The following PGR variants were observed in gnomAD, a reference collection of about 807,000 sequenced individuals.
PGR encodes the protein nuclear receptor subfamily 3 group C member 3.
In PGR, 25 loss-of-function variants were observed where a neutral mutation model predicts 76.1. The ratio of observed to expected loss-of-function variants is 0.33; its 90% CI spans 0.24 to 0.46. The LOEUF is 0.46. Among genes scored for constraint, PGR ranks in the 20% least tolerant of loss-of-function variants. The pLI, the probability that PGR is intolerant of heterozygous loss-of-function variation, is 1.00. For synonymous variants in PGR, 579 were observed against 535.0 expected (o/e 1.08, Z -1.14); for missense variants, 1,172 against 1,225.3 (o/e 0.96, Z 0.65).
intron 2 of PGR, among the ~76,000 whole-genome samples, chr11:101,112,634 G>A (rs1379550532): frequency 6.6e-6 from 1 of 152,198 alleles, no homozygotes; most frequent in Admixed American, 6.5e-5. Flanking sequence ...AGCCATCCCA[G>A]AAGCCATGGA....
intron 3 of PGR, chr11:101,063,743 T>C (rs1290445801): frequency 6.6e-6 from 1 of 152,216 alleles, no homozygotes; most frequent in African/African-American, 2.4e-5. Flanking sequence ...ATCATGCCCA[T>C]AGATACATTT....
At chr11:101,045,665 T>TTTTTTG in intron 6 of PGR, among the ~76,000 whole-genome samples, 1 of 149,134 alleles carries the variant, frequency 6.7e-6, no homozygotes, top group East Asian at 2.0e-4. Context: ...CTATTCCATT[T>TTTTTTG]TGTGTGTGTG....
intron 6 of PGR, among the ~76,000 whole-genome samples, chr11:101,044,935 C>A (rs1251044652): frequency 2.6e-5 from 4 of 151,906 alleles, no homozygotes; most frequent in Non-Finnish European, 5.9e-5. Flanking sequence ...TTGAACTCCT[C>A]ACCTCAAGTG....
rs145634584 is a variant in PGR at position 101,064,551 on chromosome 11, T to TTG, written c.1907-1801_1907-1800dup. On this transcript the variant is annotated intron_variant, in intron 3 of 7. Transcript: ENST00000325455. ...TGGAGTATATAGCATATGCCAGGAA[T>TTG]TGTGTGTGTGTGTGTTTGTGTCTAA... is the stretch of plus-strand genomic sequence containing the variant. Among the ~76,000 whole-genome samples, 126 of 151,232 alleles carry TTG rather than the reference T, an allele frequency of 8.3e-4. 1 individual carries two copies. Among genetic ancestry groups the TTG allele is most frequent in the African/African-American group, 2.8e-3 (114 of 41,264 alleles).
intron 3 of PGR, among the ~76,000 whole-genome samples, chr11:101,068,358 A>G (rs1302691127): frequency 6.6e-6 from 1 of 152,164 alleles, no homozygotes; most frequent in African/African-American, 2.4e-5. Flanking sequence ...AACACTGCTC[A>G]AGGAAATCAG....
intron 3 of PGR, among the ~76,000 whole-genome samples, chr11:101,069,528 A>C (rs1860840142): frequency 6.7e-6 from 1 of 148,210 alleles, no homozygotes; most frequent in African/African-American, 2.4e-5. Flanking sequence ...CCAAAGGATT[A>C]TAAATCATTG....
chr11:101,100,032 T>C (rs571948095), intron 2 of PGR, among the ~76,000 whole-genome samples: 16 of 152,314 alleles, frequency 1.1e-4, no homozygotes, highest in African/African-American at 3.6e-4. Flanking sequence ...GAAGAGGATT[T>C]GTAAATTTGG....
rs1453907524 is a variant in PGR, at chr11:101,034,545, G to C, written c.*4571C>G. ...TTAAATTTTCTCCAGTGACAGGGTG[G>C]ACAAATTATTGAAGAAAACTGTTCT... On this transcript the variant is annotated 3_prime_UTR_variant, in exon 8 of 8. Coordinates refer to ENST00000325455, the MANE Select transcript of PGR (RefSeq NM_000926.4). 1.1e-5 allele frequency: 2 copies of C among 176,744 alleles called. No homozygotes were observed. Among genetic ancestry groups the C allele is most frequent in the African/African-American group, 4.7e-5 (2 of 42,234 alleles). 10.9% of individuals were successfully genotyped at this position (176,744 alleles called of 1,614,324 possible).
intron 2 of PGR, among the ~76,000 whole-genome samples, chr11:101,102,258 G>T (rs1424587021): frequency 1.3e-5 from 2 of 152,158 alleles, no homozygotes; most frequent in Non-Finnish European, 2.9e-5. Flanking sequence ...CTGAATATTA[G>T]AATTGTTTTA....
At chr11:101,118,799 T>C (rs866493317) in intron 2 of PGR, among the ~76,000 whole-genome samples, 3 of 152,364 alleles carry the variant, frequency 2.0e-5, no homozygotes, top group Middle Eastern at 3.4e-3. Context: ...GAGGGCCATC[T>C]AGCCACAAGA....
At chr11:101,114,915 G>A (rs896834676) in intron 2 of PGR, among the ~76,000 whole-genome samples, 2 of 151,902 alleles carry the variant, frequency 1.3e-5, no homozygotes, top group East Asian at 1.9e-4. Flanking sequence ...AAATATTTAG[G>A]GGCTTCTCAC....
chr11:101,104,393 G>T (rs1346849446), intron 2 of PGR, among the ~76,000 whole-genome samples: 1 of 152,108 alleles, frequency 6.6e-6, no homozygotes, highest in Non-Finnish European at 1.5e-5. Context: ...CAAAATCTTA[G>T]TTTTTCCCAC....
intron 2 of PGR, among the ~76,000 whole-genome samples, chr11:101,096,454 C>T (rs1565356458): frequency 6.6e-6 from 1 of 152,140 alleles, no homozygotes; most frequent in Non-Finnish European, 1.5e-5. Context: ...CAGCCAGTTC[C>T]AACTAGAGCC....
rs574778253 is a variant in PGR at position 101,035,818 on chromosome 11, T to G, written c.*3298A>C. 4.3e-6 allele frequency: 1 copy of G among 231,958 alleles called. No individual in the cohort carries two copies. Among genetic ancestry groups the G allele is most frequent in the South Asian group, 1.8e-4 (1 of 5,512 alleles). The allele number at this position is 231,958 out of a possible 1,614,324, so 14.4% of individuals were successfully genotyped here. A position where few individuals can be genotyped will look rare whatever the true frequency, so the allele number is the denominator to read the frequency against. ...ATTCAACCAAATATATCATAGCACA[T>G]GGTGACATAAATAAAACAGTGAGAC... On this transcript the variant is annotated 3_prime_UTR_variant, in exon 8 of 8. Transcript: ENST00000325455.
intron 2 of PGR, among the ~76,000 whole-genome samples, chr11:101,124,902 A>ATG (rs1054100389): frequency 6.6e-6 from 1 of 152,160 alleles, no homozygotes; most frequent in Non-Finnish European, 1.5e-5. Flanking sequence ...AGAAAAAATC[A>ATG]TGTTCTAAAA....
At chr11:101,126,368 G>A (rs1479353905) in intron 1 of PGR, among the ~76,000 whole-genome samples, 1 of 152,096 alleles carries the variant, frequency 6.6e-6, no homozygotes, top group Non-Finnish European at 1.5e-5. Flanking sequence ...TTCATCAGTA[G>A]CACCAATATA....
intron 2 of PGR, among the ~76,000 whole-genome samples, chr11:101,097,539 G>T (rs523323): frequency 1.3e-5 from 2 of 151,862 alleles, no homozygotes; most frequent in Non-Finnish European, 2.9e-5. Context: ...TTTTTAGATA[G>T]GTGTATATAC....
Position 101,062,722 on chromosome 11 carries a change from C to A in PGR, c.1937G>T (p.Arg646Ile). Reference sequence around the variant, plus strand: ...AACAGCATCCAGTGCTCTCACAACTCTGACTTTATTGAACTTTTTAAATTT... The same window carrying A: ...AACAGCATCCAGTGCTCTCACAACTATGACTTTATTGAACTTTTTAAATTT... Reference protein sequence around the residue: ...GRKFKKFNKVRVVRALDAVAL... With the variant: ...GRKFKKFNKVIVVRALDAVAL... The change falls in exon 4 of 8, where the codon AGA becomes ATA. Residue 646 changes from arginine to isoleucine, a missense_variant. Around this residue, in one of 4 missense-constraint regions of PGR, gnomAD observed 73 missense variants for 60.7 expected, o/e 1.20. Transcript: ENST00000325455. The A allele has an allele frequency of 6.2e-7, 1 of 1,612,806 alleles. No homozygotes were observed. Among genetic ancestry groups the A allele is most frequent in the South Asian group, 1.1e-5 (1 of 90,870 alleles).
chr11:101,095,114 T>G (rs999879717), intron 2 of PGR, among the ~76,000 whole-genome samples: 2 of 152,234 alleles, frequency 1.3e-5, no homozygotes. Context: ...GACTAAAGTA[T>G]TTCCAAACTG....
Sources: gnomAD v4.1 joint callset for allele counts (sites outside exome capture counted in the v4.1 genomes callset) on GRCh38, gnomAD v4.1.1 for gene constraint, gnomAD v4.1.1 regional missense constraint, MANE v1.5 for transcripts, NCBI Gene and HGNC (gene_info 2026-07-23, HGNC 2026-07-21) for gene names.